Variants in PHIP observed in about 807,000 individuals in gnomAD.
The protein encoded by PHIP is PH-interacting protein.
In PHIP, 54 loss-of-function variants were observed where a neutral mutation model predicts 236.8. That is an observed-to-expected ratio of 0.23 (90% confidence interval 0.18 to 0.29). The LOEUF (loss-of-function observed/expected upper bound fraction) is 0.29, where lower values mean the gene tolerates loss of function less well. PHIP is among the 10% of genes least tolerant of loss of function. The pLI is 1.00. For synonymous variants in PHIP, 756 were observed against 718.9 expected (o/e 1.05, Z -0.83); for missense variants, 1,370 against 2,190.8 (o/e 0.63, Z 7.48).
At chr6:78,964,751 A>T (rs372267143) in intron 29 of PHIP, among the ~76,000 whole-genome samples, 2 of 152,174 alleles carry the variant, frequency 1.3e-5, no homozygotes, top group African/African-American at 4.8e-5. Flanking sequence ...TCAGCCTCTC[A>T]AAGTGCTGGG....
chr6:79,035,044 CCTGA>C (rs1289031318), intron 7 of PHIP, among the ~76,000 whole-genome samples: 3 of 152,100 alleles, frequency 2.0e-5, no homozygotes, highest in Non-Finnish European at 2.9e-5. Context: ...GACATCATAG[CCTGA>C]CTATCTACCA....
intron 39 of PHIP, among the ~76,000 whole-genome samples, chr6:78,941,824 G>A (rs2127678380): frequency 6.6e-6 from 1 of 152,202 alleles, no homozygotes; most frequent in Middle Eastern, 3.4e-3. Flanking sequence ...CACTATGTGT[G>A]CCACCATTAT....
Position 79,078,179 on chromosome 6 carries a change from T to G in PHIP, c.-111A>C. The G allele has an allele frequency of 9.3e-7, 1 of 1,075,514 alleles. No homozygotes were observed. Among genetic ancestry groups the G allele is most frequent in the Non-Finnish European group, 1.4e-6 (1 of 739,286 alleles). 66.6% of individuals were successfully genotyped at this position (1,075,514 alleles called of 1,614,324 possible). ...TCAGTGTGTGTTCACGAGCCGAGCT[T>G]CGGCTCCACCATTCAAGCAACGGCG... On this transcript the variant is annotated 5_prime_UTR_variant, in exon 1 of 40. Transcript: ENST00000275034.
At chr6:79,048,559 C>T (rs1170989803) in intron 6 of PHIP, among the ~76,000 whole-genome samples, 1 of 152,068 alleles carries the variant, frequency 6.6e-6, no homozygotes, top group East Asian at 1.9e-4. Context: ...AACAAGCACA[C>T]ATGATAAAGC....
intron 6 of PHIP, among the ~76,000 whole-genome samples, chr6:79,058,990 AT>A (rs1189275673): frequency 2.0e-5 from 3 of 151,938 alleles, no homozygotes; most frequent in African/African-American, 7.2e-5. Context: ...CGTCTCTCAA[AT>A]TTTTTTGTTG....
intron 7 of PHIP, 50 bp downstream of exon 7, chr6:79,042,793 T>C (rs768585050): frequency 1.6e-4 from 219 of 1,329,940 alleles, no homozygotes; most frequent in Middle Eastern, 1.3e-3. Flanking sequence ...ATAAGCAATA[T>C]TTCCTCAATT....
chr6:79,007,654 CTTTTTTTTT>C (rs35415106), intron 15 of PHIP, among the ~76,000 whole-genome samples: 2 of 116,688 alleles, frequency 1.7e-5, no homozygotes, highest in Non-Finnish European at 1.8e-5. Context: ...ATGTCTTGTT[CTTTTTTTTT>C]TTTTTTTTTT....
chr6:78,941,578 C>G (rs1773503996), intron 39 of PHIP, among the ~76,000 whole-genome samples: 1 of 152,112 alleles, frequency 6.6e-6, no homozygotes, highest in African/African-American at 2.4e-5. Flanking sequence ...AGTGACTTAT[C>G]TAAGTTAACA....
Position 78,945,484 on chromosome 6 carries a change from A to G in PHIP, c.4644T>C (p.Ser1548=). The change falls in exon 39 of 40, where the codon TCT becomes TCC. Residue 1548 remains serine, a synonymous_variant. Transcript: ENST00000275034. The part of the protein sequence containing the change: ...AIPGKTILEN[S]VKHSKALNTL... ...TATTCAAAGCTTTGGAATGTTTCAC[A>G]GAATTCTCTAGTACTAAAACATACA... 6.3e-7 allele frequency: 1 copy of G among 1,598,732 alleles called. No homozygotes were observed.
chr6:78,958,479 TA>T lies in PHIP; in HGVS notation c.3777del (p.Phe1259LeufsTer2). 3 of 1,507,472 alleles carry T rather than the reference TA, an allele frequency of 2.0e-6. No individual in the cohort carries two copies. The highest frequency in any genetic ancestry group is 2.8e-6 in the Non-Finnish European group (3 of 1,086,572). The allele number at this position is 1,507,472 out of a possible 1,614,324, so 93.4% of individuals were successfully genotyped here. Reference protein sequence around the residue: ...AKFVTDLLLHFIKDQTCYNII... With the variant: ...AKFVTDLLLHXIKDQTCYNII... ...ACATATGAAAAGATAACTTACTTTA[TA>T]AAATGTAGAAGAAGATCAGTCACGA... On this transcript the variant is annotated frameshift_variant, in exon 32 of 40. Transcript: ENST00000275034. LOFTEE classifies it high-confidence loss of function.
rs762300470 is a variant in PHIP, at chr6:78,990,879, T to C, written c.2308A>G (p.Thr770Ala). 1 of 1,554,516 alleles carries C rather than the reference T, an allele frequency of 6.4e-7. No homozygotes were observed. The highest frequency in any genetic ancestry group is 1.7e-5 in the Admixed American group (1 of 58,850). ...TAATTAATATGTACCTTTGAGACAG[T>C]GGGTATTTTATTCTCTTTTGGAACA... is the stretch of plus-strand genomic sequence containing the variant. ...LTVPKENKIP[T>A]VSKNHAHEHF... Residue 770 changes from threonine to alanine, a missense_variant, in exon 20 of 40, where the codon ACT becomes GCT. This residue lies in a region of PHIP where 99 missense variants were observed against 110.0 expected (regional missense o/e 0.90). Coordinates refer to ENST00000275034, the MANE Select transcript of PHIP (RefSeq NM_017934.7).
At position 78,935,949 on chromosome 6, in the gene PHIP, C is replaced by T. The variant is rs1190039954; in HGVS notation, c.*4744G>A. On this transcript the variant is annotated 3_prime_UTR_variant, in exon 40 of 40. Coordinates refer to ENST00000275034, the MANE Select transcript of PHIP (RefSeq NM_017934.7). Reference sequence around the variant, plus strand: ...GCAGGGACAGGTATTCTTACACATACATTCTAGTTTGTATAAAAGGATTCA... The same window carrying T: ...GCAGGGACAGGTATTCTTACACATATATTCTAGTTTGTATAAAAGGATTCA... The T allele has an allele frequency of 6.4e-6, 1 of 155,576 alleles. No individual in the cohort carries two copies. The highest frequency in any genetic ancestry group is 1.4e-5 in the Non-Finnish European group (1 of 71,132). 9.6% of individuals were successfully genotyped at this position (155,576 alleles called of 1,614,324 possible). A position where few individuals can be genotyped will look rare whatever the true frequency, so the allele number is the denominator to read the frequency against.
At chr6:79,050,454 G>T (rs1334183883) in intron 6 of PHIP, among the ~76,000 whole-genome samples, 2 of 152,138 alleles carry the variant, frequency 1.3e-5, no homozygotes, top group Admixed American at 6.5e-5. Context: ...AGGCAGTCTG[G>T]TGCCAAAGAC....
intron 6 of PHIP, among the ~76,000 whole-genome samples, chr6:79,053,512 T>C (rs1253252594): frequency 6.6e-6 from 1 of 152,210 alleles, no homozygotes; most frequent in Non-Finnish European, 1.5e-5. Context: ...AAAAGACTTT[T>C]GTTGGAGCCC....
chr6:78,955,577 A>G, intron 33 of PHIP, 36 bp downstream of exon 33: 1 of 706,744 alleles, frequency 1.4e-6, no homozygotes, highest in Non-Finnish European at 2.5e-6. Flanking sequence ...TATATAGAGA[A>G]TATCAATATG....
At chr6:79,005,258 A>G (rs1770224656) in intron 15 of PHIP, among the ~76,000 whole-genome samples, 1 of 151,996 alleles carries the variant, frequency 6.6e-6, no homozygotes, top group Admixed American at 6.6e-5. Context: ...AAGATAGGAG[A>G]AGAAGGTAAC....
chr6:79,061,195 T>C (rs1441924568), intron 4 of PHIP, among the ~76,000 whole-genome samples: 2 of 152,212 alleles, frequency 1.3e-5, no homozygotes, highest in Non-Finnish European at 2.9e-5. Context: ...CATGAAATGC[T>C]AATATTTTTA....
At chr6:79,074,649 A>G (rs1774061157) in intron 4 of PHIP, among the ~76,000 whole-genome samples, 2 of 152,162 alleles carry the variant, frequency 1.3e-5, no homozygotes, top group Admixed American at 6.5e-5. Flanking sequence ...ATCTTAAGGT[A>G]GATGGTGATA....
At chr6:78,973,918 T>A (rs1442562052) in intron 24 of PHIP, among the ~76,000 whole-genome samples, 2 of 151,538 alleles carry the variant, frequency 1.3e-5, no homozygotes, top group East Asian at 1.9e-4. Flanking sequence ...CTCCCACACA[T>A]TAATAATGGG....
Sources: gnomAD v4.1 joint callset for allele counts (sites outside exome capture counted in the v4.1 genomes callset) on GRCh38, gnomAD v4.1.1 for gene constraint, gnomAD v4.1.1 regional missense constraint, MANE v1.5 for transcripts, NCBI Gene and HGNC (gene_info 2026-07-23, HGNC 2026-07-21) for gene names.